ABR: variants seen among roughly 807,000 people sequenced by gnomAD.
ABR encodes active breakpoint cluster region-related protein.
In ABR, 35 loss-of-function variants were observed where a neutral mutation model predicts 107.2. That is an observed-to-expected ratio of 0.33 (90% confidence interval 0.25 to 0.43). The LOEUF (loss-of-function observed/expected upper bound fraction) is 0.43, where lower values mean the gene tolerates loss of function less well. Ranked by LOEUF, ABR falls within the 20% of genes least tolerant of loss-of-function variation. ABR has a pLI of 1.00. For missense variants in ABR, 815 were observed against 1,115.2 expected, an observed-to-expected ratio of 0.73 and a Z score of 3.83; for synonymous variants, 498 against 462.0, an observed-to-expected ratio of 1.08 and a Z score of -1.00.
At chr17:1,220,217 G>C (rs546119356) in intron 1 of ABR, among the ~76,000 whole-genome samples, 1 of 151,964 alleles carries the variant, frequency 6.6e-6, no homozygotes, top group African/African-American at 2.4e-5. Flanking sequence ...TGTGGATCCC[G>C]GAGGCAGAGC....
chr17:1,040,233 G>T (rs1447876140), intron 16 of ABR, among the ~76,000 whole-genome samples: 1 of 152,176 alleles, frequency 6.6e-6, no homozygotes, highest in Non-Finnish European at 1.5e-5. Flanking sequence ...GGGTCGAATG[G>T]GGACAAGACA....
upstream of ABR, among the ~76,000 whole-genome samples, chr17:1,192,024 C>T (rs10521110): frequency 0.015 from 2,254 of 152,174 alleles, 58 homozygotes; most frequent in African/African-American, 0.051. Flanking sequence ...CACCTCGACA[C>T]GAAGAGATGT....
intron 1 of ABR, among the ~76,000 whole-genome samples, chr17:1,225,601 G>A (rs952315913): frequency 4.6e-5 from 7 of 151,928 alleles, no homozygotes; most frequent in Non-Finnish European, 5.9e-5. Flanking sequence ...GCAGTGACCC[G>A]AGATGACGCC....
intron 1 of ABR, among the ~76,000 whole-genome samples, chr17:1,161,292 G>A (rs867660425): frequency 1.3e-5 from 2 of 151,424 alleles, no homozygotes; most frequent in Admixed American, 6.6e-5. Context: ...GCCCAGGCCA[G>A]AGTGCAGAAT....
At chr17:1,009,643 G>T in intron 21 of ABR, 36 bp downstream of exon 21, 1 of 1,561,228 alleles carries the variant, frequency 6.4e-7, no homozygotes, top group South Asian at 1.1e-5. Context: ...CATGAGGAGG[G>T]ACTGAGGAGG....
At chr17:1,173,311 CCCCATCACCTCA>C (rs1567858197) in intron 1 of ABR, among the ~76,000 whole-genome samples, 1 of 25,688 alleles carries the variant, frequency 3.9e-5, no homozygotes. Flanking sequence ...AGTCCACCCC[CCCCATCACCTCA>C]GCCCACCCAA....
intron 16 of ABR, among the ~76,000 whole-genome samples, chr17:1,020,845 A>AC (rs1198640606): frequency 6.6e-6 from 1 of 151,512 alleles, no homozygotes; most frequent in Non-Finnish European, 1.5e-5. Context: ...GGGGCAGGTG[A>AC]CCCCATTTCT....
chr17:1,198,285 G>A (rs959838769), intron 1 of ABR, among the ~76,000 whole-genome samples: 29 of 151,628 alleles, frequency 1.9e-4, no homozygotes, highest in African/African-American at 6.8e-4. Context: ...TAACCCCAAC[G>A]TCGGTACACG....
rs2071228357 is a variant in ABR at position 1,017,167 on chromosome 17, G to A, written c.1792-4003C>T. Among the ~76,000 whole-genome samples the A allele has an allele frequency of 3.3e-5, 5 of 152,066 alleles. No homozygotes were observed. In the South Asian group the frequency reaches 1.0e-3, roughly 31 times the overall value. On this transcript the variant is annotated intron_variant, in intron 16 of 22. Transcript: ENST00000302538. ...CCTCTTCACACACGGGAAGCGTGAG[G>A]CCATCACCAGCCCGGCTGGAGGCAG...
rs1482653247 is a variant in ABR, at chr17:1,215,928, A to G, written c.838+12865T>C. On this transcript the variant is annotated intron_variant, in intron 1 of 22. Transcript: ENST00000574139. The stretch of plus-strand genomic sequence containing the variant: ...TGCTGTGTCCACTCAGGGTAAATGG[A>G]TTAAGGGCGGTGCAAGATGTGCTTT... 4.1e-5 allele frequency among the ~76,000 whole-genome samples: 5 copies of G among 121,270 alleles called. No individual in the cohort carries two copies. The East Asian group carries it at 1.1e-3, about 26-fold the overall frequency. The allele number at this position is 121,270 out of a possible 152,430, so 79.6% of individuals were successfully genotyped here. A position where few individuals can be genotyped will look rare whatever the true frequency, so the allele number is the denominator to read the frequency against.
rs910951225 is a variant in ABR at position 1,003,831 on chromosome 17, C to T, written c.*2249G>A. The T allele has an allele frequency of 1.3e-5, 2 of 152,396 alleles. No individual in the cohort carries two copies. The highest frequency in any genetic ancestry group is 1.5e-5 in the Non-Finnish European group (1 of 68,092). 9.4% of individuals were successfully genotyped at this position (152,396 alleles called of 1,614,324 possible). A position where few individuals can be genotyped will look rare whatever the true frequency, so the allele number is the denominator to read the frequency against. ...GTTCCAGGCTGCACAGTCCCTGGCT[C>T]CTGACTCCTGCCGGGCGCAGTGACT... On this transcript the variant is annotated 3_prime_UTR_variant, in exon 23 of 23. Transcript: ENST00000302538.
At chr17:1,138,880 T>A (rs1249757708) in intron 1 of ABR, among the ~76,000 whole-genome samples, 2 of 152,238 alleles carry the variant, frequency 1.3e-5, no homozygotes, top group Non-Finnish European at 2.9e-5. Context: ...ATTTTAGGTA[T>A]GCACTAGCTC....
At chr17:1,203,156 G>A (rs1423059665) in intron 1 of ABR, among the ~76,000 whole-genome samples, 1 of 152,178 alleles carries the variant, frequency 6.6e-6, no homozygotes, top group Non-Finnish European at 1.5e-5. Context: ...AGAGTGCTGG[G>A]ATGACAGGCG....
chr17:1,055,570 C>G (rs911062647), intron 14 of ABR: 2 of 153,046 alleles, frequency 1.3e-5, no homozygotes, highest in Non-Finnish European at 2.9e-5. Flanking sequence ...CTCTGTCGCC[C>G]AGGGTGGAGT....
intron 16 of ABR, among the ~76,000 whole-genome samples, chr17:1,035,273 G>A (rs1457342575): frequency 6.6e-6 from 1 of 150,868 alleles, no homozygotes; most frequent in Non-Finnish European, 1.5e-5. Context: ...TTCAGCTCAG[G>A]CTATCCCAAC....
At chr17:1,062,933 G>C (rs1226639345) in intron 10 of ABR, among the ~76,000 whole-genome samples, 1 of 143,898 alleles carries the variant, frequency 6.9e-6, no homozygotes, top group African/African-American at 2.5e-5. Context: ...CGTGAACTGA[G>C]GGCTATGCAT....
At chr17:1,166,912 G>T (rs749600341) in intron 1 of ABR, among the ~76,000 whole-genome samples, 22 of 152,202 alleles carry the variant, frequency 1.4e-4, no homozygotes, top group Non-Finnish European at 2.9e-4. Context: ...TGAGGCAGGA[G>T]AATCGCTTGA....
chr17:1,021,977 G>A (rs2071703616), intron 16 of ABR, among the ~76,000 whole-genome samples: 1 of 151,360 alleles, frequency 6.6e-6, no homozygotes, highest in East Asian at 1.9e-4. Context: ...TGGCCAACCT[G>A]ACGAAACCCC....
Position 1,078,974 on chromosome 17 carries a change from TCGGGCAGCCG to T in ABR, c.700+346_700+355del. Reference sequence around the variant, plus strand: ...TGATGCTGCCGCACGGACTCCAGCATCGGGCAGCCGCTCCGGAGTGCTCTTCCAGCAAGGG... The same window carrying T: ...TGATGCTGCCGCACGGACTCCAGCATCTCCGGAGTGCTCTTCCAGCAAGGG... On this transcript the variant is annotated intron_variant, in intron 6 of 22. Coordinates refer to ENST00000302538, the MANE Select transcript of ABR (RefSeq NM_021962.5). The surrounding 1 kb of genome is among the most constrained non-coding windows in gnomAD (Gnocchi z 7.5). 1 of 1,437,458 alleles carries T rather than the reference TCGGGCAGCCG, an allele frequency of 7.0e-7. No individual in the cohort carries two copies. Among genetic ancestry groups the T allele is most frequent in the Non-Finnish European group, 9.2e-7 (1 of 1,087,752 alleles). The allele number at this position is 1,437,458 out of a possible 1,614,324, so 89.0% of individuals were successfully genotyped here. A position where few individuals can be genotyped will look rare whatever the true frequency, so the allele number is the denominator to read the frequency against.
Sources: gnomAD v4.1 joint callset for allele counts (sites outside exome capture counted in the v4.1 genomes callset) on GRCh38, gnomAD v4.1.1 for gene constraint, Gnocchi (gnomAD v3.1) non-coding constraint, MANE v1.5 for transcripts, NCBI Gene and HGNC (gene_info 2026-07-23, HGNC 2026-07-21) for gene names.